Variants in DGKB observed in about 807,000 individuals in gnomAD.
DGKB encodes 90 kDa diacylglycerol kinase.
A neutral mutation model predicts 114.3 loss-of-function variants in DGKB; 67 were observed. The ratio of observed to expected loss-of-function variants is 0.59; its 90% confidence interval spans 0.48 to 0.72. The LOEUF is 0.72. Among genes scored for constraint, DGKB ranks in the 30% least tolerant of loss-of-function variants. The pLI is 0.00. For synonymous variants in DGKB, 398 were observed against 323.1 expected, an observed-to-expected ratio of 1.23 and a Z score of -2.49; for missense variants, 907 against 975.2, an observed-to-expected ratio of 0.93 and a Z score of 0.93.
intron 24 of DGKB, 54 bp from the exon 25 acceptor site, chr7:14,176,953 A>C: frequency 6.2e-7 from 1 of 1,605,354 alleles, no homozygotes; most frequent in South Asian, 1.1e-5. Flanking sequence ...TATATTACAG[A>C]CTATATGTGA....
At chr7:14,249,367 G>A (rs895388497) in intron 23 of DGKB, among the ~76,000 whole-genome samples, 42 of 152,146 alleles carry the variant, frequency 2.8e-4, no homozygotes, top group African/African-American at 9.6e-4. Flanking sequence ...AAAATTAGTC[G>A]GGAGGTATTC....
chr7:14,956,961 A>C (rs1226934379), intron 1 of DGKB, among the ~76,000 whole-genome samples: 1 of 151,820 alleles, frequency 6.6e-6, no homozygotes, highest in Non-Finnish European at 1.5e-5. Flanking sequence ...CAACCTTCAC[A>C]TATCCATTGC....
intron 13 of DGKB, among the ~76,000 whole-genome samples, chr7:14,651,148 G>A (rs1038358049): frequency 6.6e-6 from 1 of 152,108 alleles, no homozygotes; most frequent in African/African-American, 2.4e-5. Flanking sequence ...CTCATTTGAT[G>A]AGGCCAGCAT....
intron 21 of DGKB, among the ~76,000 whole-genome samples, chr7:14,441,529 T>G (rs944211218): frequency 1.3e-5 from 2 of 152,198 alleles, no homozygotes; most frequent in Admixed American, 1.3e-4. Flanking sequence ...TGATTTTGTC[T>G]TGCTTAAGAC....
rs180870537 is a variant in DGKB, at chr7:14,276,004, C to T, written c.2122+62511G>A. 1.1e-3 allele frequency among the ~76,000 whole-genome samples: 171 copies of T among 152,218 alleles called. 3 individuals are homozygous for T. The highest frequency in any genetic ancestry group is 4.0e-3 in the African/African-American group (168 of 41,522). Reference sequence around the variant, plus strand: ...CCTCTTCTTGCTTTTAGTTGCTAGCCTCACATACTATAGTGATAGACCTAT... The same window carrying T: ...CCTCTTCTTGCTTTTAGTTGCTAGCTTCACATACTATAGTGATAGACCTAT... On this transcript the variant is annotated intron_variant, in intron 23 of 25. Coordinates refer to ENST00000402815, the MANE Select transcript of DGKB (RefSeq NM_001350709.2).
chr7:14,382,831 T>G (rs549938976), intron 21 of DGKB, among the ~76,000 whole-genome samples: 5 of 152,298 alleles, frequency 3.3e-5, no homozygotes, highest in African/African-American at 9.6e-5. Flanking sequence ...CCCATGGTGG[T>G]GACCCCCAGC....
At chr7:14,379,873 T>G (rs1229375792) in intron 21 of DGKB, among the ~76,000 whole-genome samples, 1 of 63,092 alleles carries the variant, frequency 1.6e-5, no homozygotes, top group Non-Finnish European at 4.1e-5. Flanking sequence ...CAGTTGCTTT[T>G]AATACAATAA....
chr7:14,408,726 A>G (rs1169858445), intron 21 of DGKB, among the ~76,000 whole-genome samples: 1 of 152,154 alleles, frequency 6.6e-6, no homozygotes, highest in Non-Finnish European at 1.5e-5. Flanking sequence ...CTAAAAAATG[A>G]GTAAATACAG....
At chr7:14,914,843 G>A (rs200372918) in intron 1 of DGKB, among the ~76,000 whole-genome samples, 2 of 148,952 alleles carry the variant, frequency 1.3e-5, no homozygotes, top group Non-Finnish European at 1.5e-5. Context: ...CTAGAAATTA[G>A]AAAAAAAAAA....
chr7:14,553,032 A>G (rs969610861), intron 20 of DGKB, among the ~76,000 whole-genome samples: 4 of 152,244 alleles, frequency 2.6e-5, no homozygotes, highest in Non-Finnish European at 2.9e-5. Context: ...AGGGGAAATC[A>G]AAGATAAAGT....
At chr7:14,677,043 C>T (rs1287383674) in intron 12 of DGKB, among the ~76,000 whole-genome samples, 5 of 151,842 alleles carry the variant, frequency 3.3e-5, no homozygotes, top group South Asian at 2.1e-4. Flanking sequence ...GTGAATTAAA[C>T]ACTTGGAAAT....
At chr7:14,461,870 A>G (rs1040212168) in intron 21 of DGKB, among the ~76,000 whole-genome samples, 3 of 152,186 alleles carry the variant, frequency 2.0e-5, no homozygotes, top group Non-Finnish European at 4.4e-5. Context: ...AATACTGGCA[A>G]AGCAAATCCA....
At chr7:14,173,346 A>T (rs1016523345) in intron 25 of DGKB, among the ~76,000 whole-genome samples, 2 of 152,174 alleles carry the variant, frequency 1.3e-5, no homozygotes, top group Non-Finnish European at 2.9e-5. Flanking sequence ...AAATATACAT[A>T]ACATAAAATT....
At chr7:14,685,640 A>C (rs1821551603) in intron 9 of DGKB, among the ~76,000 whole-genome samples, 1 of 152,180 alleles carries the variant, frequency 6.6e-6, no homozygotes, top group African/African-American at 2.4e-5. Flanking sequence ...TGACCTGCCA[A>C]ATGGATCAGG....
At chr7:14,939,621 CTTTTTTTT>C (rs60427374) in intron 1 of DGKB, among the ~76,000 whole-genome samples, 1 of 84,146 alleles carries the variant, frequency 1.2e-5, no homozygotes, top group African/African-American at 4.8e-5. Flanking sequence ...AAATATAATA[CTTTTTTTT>C]TTTTTTTTTT....
chr7:14,343,621 G>A (rs1264677764), intron 22 of DGKB, among the ~76,000 whole-genome samples: 1 of 151,338 alleles, frequency 6.6e-6, no homozygotes, highest in Non-Finnish European at 1.5e-5. Flanking sequence ...GTAAAGGGAG[G>A]TGCAGGAGGA....
intron 13 of DGKB, among the ~76,000 whole-genome samples, chr7:14,635,552 G>C (rs1422872647): frequency 6.6e-6 from 1 of 151,378 alleles, no homozygotes; most frequent in Admixed American, 6.6e-5. Context: ...GAGGGGAGCT[G>C]ATATTTAGAG....
chr7:14,248,639 T>C (rs928015604), intron 23 of DGKB, among the ~76,000 whole-genome samples: 18 of 152,080 alleles, frequency 1.2e-4, no homozygotes, highest in African/African-American at 4.1e-4. Flanking sequence ...TAAAATTCTT[T>C]TTCTGTAGTT....
intron 1 of DGKB, among the ~76,000 whole-genome samples, chr7:14,930,703 C>A (rs1472372528): frequency 1.3e-5 from 2 of 152,066 alleles, no homozygotes; most frequent in Non-Finnish European, 2.9e-5. Context: ...GTATTTCTTT[C>A]TCTTGCCTAA....
Sources: allele counts gnomAD v4.1 joint callset (sites outside exome capture counted in the v4.1 genomes callset), GRCh38; gene constraint gnomAD v4.1.1; transcripts MANE v1.5; gene names NCBI Gene and HGNC (gene_info 2026-07-23, HGNC 2026-07-21).